ABCC9: variants seen among roughly 807,000 people sequenced by gnomAD.
ABCC9 encodes ATP-binding cassette sub-family C member 9.
In ABCC9, 95 loss-of-function variants were observed where a neutral mutation model predicts 188.3. The ratio of observed to expected loss-of-function variants is 0.50; its 90% CI spans 0.43 to 0.60. ABCC9 has a LOEUF of 0.60. Ranked by LOEUF, ABCC9 falls within the 20% of genes least tolerant of loss-of-function variation. The pLI, the probability that ABCC9 is intolerant of heterozygous loss-of-function variation, is 0.00. For synonymous variants in ABCC9, 659 were observed against 652.7 expected (o/e 1.01, Z -0.15); for missense variants, 1,102 against 1,876.3 (o/e 0.59, Z 7.62).
chr12:21,852,341 G>A (rs1309202128), intron 23 of ABCC9, 27 bp downstream of exon 23: 5 of 1,613,542 alleles, frequency 3.1e-6, no homozygotes, highest in South Asian at 2.2e-5. Flanking sequence ...ATATAAAAAT[G>A]AGCAAAATTC....
rs1401889093 is a variant in ABCC9, at chr12:21,915,664, T to G, written c.816+4A>C. On this transcript the variant is annotated splice_donor_region_variant and intron_variant, in intron 7 of 39. Coordinates refer to ENST00000261200, the MANE Select transcript of ABCC9 (RefSeq NM_020297.4). ...AAGCACATGGAAGACAGACGCTAAA[T>G]CACCTTTTGTTCTTCATATGCATCT... The G allele has an allele frequency of 2.5e-6, 4 of 1,611,874 alleles. No individual in the cohort carries two copies. Among genetic ancestry groups the G allele is most frequent in the East Asian group, 4.5e-5 (2 of 44,782 alleles).
intron 31 of ABCC9, among the ~76,000 whole-genome samples, chr12:21,826,022 A>G (rs903473166): frequency 6.6e-6 from 1 of 152,196 alleles, no homozygotes; most frequent in Non-Finnish European, 1.5e-5. Flanking sequence ...CTCTGAGTCC[A>G]TGAATTAGAG....
rs564330584 is a variant in ABCC9, at chr12:21,887,054, G to A, written c.1911+772C>T. ...TTATCAATTCCTGCCTCAAGAAAGC[G>A]AATTCTGTGACAGGAAGGATATCAC... On this transcript the variant is annotated intron_variant, in intron 15 of 39. Coordinates refer to ENST00000261200, the MANE Select transcript of ABCC9 (RefSeq NM_020297.4). Among the ~76,000 whole-genome samples, 13 of 152,130 alleles carry A rather than the reference G, an allele frequency of 8.5e-5. No individual in the cohort carries two copies. The South Asian group carries it at 1.5e-3, about 17-fold the overall frequency.
chr12:21,826,485 G>T (rs564119290), intron 31 of ABCC9, among the ~76,000 whole-genome samples: 1 of 152,212 alleles, frequency 6.6e-6, no homozygotes, highest in South Asian at 2.1e-4. Context: ...TGAGAGAAAA[G>T]GTTATTTCCC....
chr12:21,854,044 C>T (rs1053290235), intron 22 of ABCC9, among the ~76,000 whole-genome samples: 3 of 152,190 alleles, frequency 2.0e-5, no homozygotes, highest in African/African-American at 7.2e-5. Context: ...GCTGGTTTCT[C>T]ATGCTACTAC....
At chr12:21,920,491 A>G (rs1948769007) in intron 5 of ABCC9, among the ~76,000 whole-genome samples, 1 of 152,084 alleles carries the variant, frequency 6.6e-6, no homozygotes, top group Non-Finnish European at 1.5e-5. Flanking sequence ...TGATACAGGT[A>G]TGCAATGAGT....
chr12:21,815,715 C>T (rs1207956715), intron 34 of ABCC9, 48 bp downstream of exon 34: 4 of 1,605,070 alleles, frequency 2.5e-6, no homozygotes, highest in Non-Finnish European at 3.4e-6. Flanking sequence ...AAGCAGACTC[C>T]CTCAGAGGTT....
intron 28 of ABCC9, among the ~76,000 whole-genome samples, chr12:21,843,335 G>A (rs1476441335): frequency 6.6e-6 from 1 of 152,062 alleles, no homozygotes; most frequent in Non-Finnish European, 1.5e-5. Flanking sequence ...TTCTACATAA[G>A]ATGGAGTTTT....
intron 5 of ABCC9, chr12:21,924,889 CTT>C (rs1418085421): frequency 6.6e-6 from 1 of 151,990 alleles, no homozygotes; most frequent in African/African-American, 2.4e-5. Context: ...CCCTCTCTAC[CTT>C]TTTTATTAGA....
At chr12:21,926,735 G>C (rs1949060904) in intron 4 of ABCC9, among the ~76,000 whole-genome samples, 1 of 152,172 alleles carries the variant, frequency 6.6e-6, no homozygotes, top group Non-Finnish European at 1.5e-5. Context: ...GAAGAAGAGA[G>C]GAAGACAGTT....
At chr12:21,878,373 T>A (rs2137623005) in intron 16 of ABCC9, among the ~76,000 whole-genome samples, 1 of 152,308 alleles carries the variant, frequency 6.6e-6, no homozygotes, top group Non-Finnish European at 1.5e-5. Context: ...CTAAAAATCC[T>A]TTAGTACCTT....
chr12:21,877,080 TG>T (rs893481746), intron 16 of ABCC9, among the ~76,000 whole-genome samples: 1 of 152,210 alleles, frequency 6.6e-6, no homozygotes, highest in Non-Finnish European at 1.5e-5. Flanking sequence ...TAAATATGGC[TG>T]ATCATCCTCA....
chr12:21,914,653 G>A (rs1195375214), intron 7 of ABCC9, among the ~76,000 whole-genome samples: 4 of 152,028 alleles, frequency 2.6e-5, no homozygotes, highest in South Asian at 2.1e-4. Flanking sequence ...TTAATATTAC[G>A]TGGTAATGGA....
At chr12:21,890,281 C>T (rs947973482) in intron 14 of ABCC9, among the ~76,000 whole-genome samples, 4 of 152,028 alleles carry the variant, frequency 2.6e-5, no homozygotes, top group African/African-American at 7.2e-5. Context: ...AACTGGCATC[C>T]GGTTGCCTTT....
intron 12 of ABCC9, among the ~76,000 whole-genome samples, chr12:21,905,690 TAAG>T (rs1407101868): frequency 2.6e-5 from 4 of 152,144 alleles, no homozygotes; most frequent in Admixed American, 1.3e-4. Context: ...TCTTTGGGGA[TAAG>T]AAGATCAATC....
chr12:21,825,606 A>G (rs2137249683), intron 31 of ABCC9, among the ~76,000 whole-genome samples: 1 of 151,024 alleles, frequency 6.6e-6, no homozygotes, highest in South Asian at 2.1e-4. Context: ...GAACACATGG[A>G]CACAGGGAGG....
intron 39 of ABCC9, among the ~76,000 whole-genome samples, chr12:21,804,800 T>C (rs1185657692): frequency 6.6e-6 from 1 of 152,174 alleles, no homozygotes; most frequent in African/African-American, 2.4e-5. Flanking sequence ...CCAGTGAAAC[T>C]CAAGTAACTA....
intron 6 of ABCC9, among the ~76,000 whole-genome samples, chr12:21,916,629 A>G (rs557052502): frequency 6.6e-6 from 1 of 152,334 alleles, no homozygotes; most frequent in Admixed American, 6.5e-5. Flanking sequence ...CTTTGAGACC[A>G]ATCATGGATG....
intron 12 of ABCC9, 37 bp from the exon 13 acceptor site, chr12:21,895,352 C>T: frequency 5.1e-6 from 8 of 1,569,532 alleles, no homozygotes; most frequent in Non-Finnish European, 7.0e-6. Context: ...TTTCATTGAA[C>T]TGTGAAAACA....
Sources: allele counts gnomAD v4.1 joint callset (sites outside exome capture counted in the v4.1 genomes callset), GRCh38; gene constraint gnomAD v4.1.1; transcripts MANE v1.5; gene names NCBI Gene and HGNC (gene_info 2026-07-23, HGNC 2026-07-21).